Variants in SEPTIN3 observed in about 807,000 individuals in gnomAD.
The protein encoded by SEPTIN3 is septin 3.
In SEPTIN3, 15 loss-of-function variants were observed where a neutral mutation model predicts 45.1. The observed-to-expected ratio is 0.33, with a 90% CI of 0.22 to 0.51. SEPTIN3 has a LOEUF of 0.51. SEPTIN3 is among the 20% of genes least tolerant of loss of function. SEPTIN3 has a pLI of 0.97. For missense variants in SEPTIN3, 289 were observed against 457.2 expected, an observed-to-expected ratio of 0.63 and a Z score of 3.35; for synonymous variants, 148 against 164.8, an observed-to-expected ratio of 0.90 and a Z score of 0.78.
Position 41,971,720 on chromosome 22 carries a change from G to A in SEPTIN3, c.228G>A (p.Arg76=), listed in dbSNP as rs1407684059. Residue 76 remains arginine (R), a synonymous_variant, in exon 2 of 12, where the codon AGG becomes AGA. Coordinates refer to ENST00000644076, the MANE Select transcript of SEPTIN3 (RefSeq NM_001363845.2). ...QTSSRLGLGA[R]TRSVPPQETG... ...CCAGCCGGCTGGGCCTTGGAGCCAG[G>A]ACCCGGAGTGTGCCCCCACAGGAGA... 2.5e-6 allele frequency: 1 copy of A among 399,122 alleles called. No homozygotes were observed. The highest frequency in any genetic ancestry group is 2.1e-5 in the African/African-American group (1 of 48,620). 24.7% of individuals were successfully genotyped at this position (399,122 alleles called of 1,614,324 possible). A position where few individuals can be genotyped will look rare whatever the true frequency, so the allele number is the denominator to read the frequency against.
chr22:41,970,529 G>A (rs1037957638), intron 1 of SEPTIN3, among the ~76,000 whole-genome samples: 3 of 152,092 alleles, frequency 2.0e-5, no homozygotes, highest in African/African-American at 2.4e-5. Context: ...CCTACAGATC[G>A]GAATGGGTCA....
chr22:41,972,449 C>T lies in SEPTIN3; in HGVS notation c.957C>T (p.Gly319=), dbSNP rs1412430141. ...CTTCGGTAGGGACAGTCAAGTCAGG[C>T]AAAACCGTGAACTTGGCTACAGCAG... is the stretch of plus-strand genomic sequence containing the variant. ...DLSSVGTVKS[G]KTVNLATAGT... is the part of the protein sequence containing the mutation. Residue 319 remains glycine, a synonymous_variant, in exon 2 of 12, where the codon GGC becomes GGT. Transcript: ENST00000644076. The T allele has an allele frequency of 2.5e-6, 1 of 398,846 alleles. No individual in the cohort carries two copies. Among genetic ancestry groups the T allele is most frequent in the Non-Finnish European group, 4.4e-6 (1 of 226,096 alleles). The allele number at this position is 398,846 out of a possible 1,614,324, so 24.7% of individuals were successfully genotyped here.
In SEPTIN3 at chr22:41,994,729, A is replaced by C. The variant is rs750222563; in HGVS notation, c.2505+15A>C. 4.3e-6 allele frequency: 7 copies of C among 1,614,128 alleles called. No homozygotes were observed. Among genetic ancestry groups the C allele is most frequent in the Non-Finnish European group, 5.9e-6 (7 of 1,180,012 alleles). ...GCCTCCCTCCGGTGAGCGTGGACAC[A>C]GAGGAAAGCCACGACAGTAACCCAT... On this transcript the variant is annotated intron_variant, in intron 11 of 11. Coordinates refer to ENST00000644076, the MANE Select transcript of SEPTIN3 (RefSeq NM_001363845.2). The surrounding 1 kb of genome is among the most constrained non-coding windows in gnomAD (Gnocchi z 4.2).
rs1397303897 is a variant in SEPTIN3, at chr22:41,976,896, G to T, written c.1504+3900G>T. 1 of 225,062 alleles carries T rather than the reference G, an allele frequency of 4.4e-6. No individual in the cohort carries two copies. The highest frequency in any genetic ancestry group is 7.4e-6 in the Non-Finnish European group (1 of 134,578). 13.9% of individuals were successfully genotyped at this position (225,062 alleles called of 1,614,324 possible). A position where few individuals can be genotyped will look rare whatever the true frequency, so the allele number is the denominator to read the frequency against. ...CCCGGGGAGGGCGCGGCGGCGCGGG[G>T]CGCAGGGGCGGCGCGGCGGGGCCGC... On this transcript the variant is annotated intron_variant, in intron 2 of 11. Transcript: ENST00000644076. This position sits in a 1 kb window ranked among gnomAD's most constrained non-coding sequence, Gnocchi z 5.8.
chr22:41,983,449 A>G (rs1363254642), intron 3 of SEPTIN3, among the ~76,000 whole-genome samples: 3 of 152,162 alleles, frequency 2.0e-5, no homozygotes, highest in Non-Finnish European at 4.4e-5. Flanking sequence ...CCACCTTGCA[A>G]AACTTATCGA....
In SEPTIN3 at chr22:41,994,638, T is replaced by G. The variant is rs759223881; in HGVS notation, c.2429T>G (p.Leu810Arg). Reference sequence around the variant, plus strand: ...TCCTCTAGGACCCACCTCCAGGACCTCAAGGAAGTGACACACAACATCCAC... The same window carrying G: ...TCCTCTAGGACCCACCTCCAGGACCGCAAGGAAGTGACACACAACATCCAC... The part of the protein sequence containing the change: ...DFVIRTHLQD[L>R]KEVTHNIHYE... Residue 810 changes from leucine (L) to arginine (R), a missense_variant, in exon 11 of 12, where the codon CTC (leucine) becomes CGC (arginine). Physicochemically the swap from Leu to Arg is moderately radical, Grantham distance 102. Transcript: ENST00000644076. The surrounding 1 kb of genome is among the most constrained non-coding windows in gnomAD (Gnocchi z 4.2). The G allele has an allele frequency of 6.2e-7, 1 of 1,614,056 alleles. No individual in the cohort carries two copies.
rs764763181 is a variant in SEPTIN3, at chr22:41,971,713, G to T, written c.221G>T (p.Gly74Val). 8.8e-5 allele frequency: 35 copies of T among 399,082 alleles called. No individual in the cohort carries two copies. Among genetic ancestry groups the T allele is most frequent in the Middle Eastern group, 6.2e-4 (1 of 1,612 alleles). 24.7% of individuals were successfully genotyped at this position (399,082 alleles called of 1,614,324 possible). A position where few individuals can be genotyped will look rare whatever the true frequency, so the allele number is the denominator to read the frequency against. ...IPQTSSRLGL[G>V]ARTRSVPPQE... is the part of the protein sequence containing the mutation. Reference sequence around the variant, plus strand: ...CAGACCTCCAGCCGGCTGGGCCTTGGAGCCAGGACCCGGAGTGTGCCCCCA... The same window carrying T: ...CAGACCTCCAGCCGGCTGGGCCTTGTAGCCAGGACCCGGAGTGTGCCCCCA... The change falls in exon 2 of 12, where the codon GGA becomes GTA. Residue 74 changes from glycine (G) to valine (V), a missense_variant. Physicochemically the swap from Gly to Val is moderately radical, Grantham distance 109. This residue lies in a region of SEPTIN3 where 200 missense variants were observed against 315.1 expected (regional missense o/e 0.63). Transcript: ENST00000644076.
At chr22:41,987,147 A>G in intron 4 of SEPTIN3, 59 bp from the exon 5 acceptor site, 10 of 1,403,778 alleles carry the variant, frequency 7.1e-6, no homozygotes, top group Non-Finnish European at 9.8e-6. Flanking sequence ...GTAGGCTGCC[A>G]GGTACCTGGG....
chr22:41,981,810 G>A lies in SEPTIN3; in HGVS notation c.1670G>A (p.Gly557Asp). 6.2e-7 allele frequency: 1 copy of A among 1,613,902 alleles called. No homozygotes were observed. Among genetic ancestry groups the A allele is most frequent in the Non-Finnish European group, 8.5e-7 (1 of 1,179,916 alleles). Residue 557 changes from glycine to aspartate, a missense_variant, in exon 3 of 12, where the codon GGT becomes GAT. Gly to Asp is a moderately conservative substitution (Grantham distance 94, BLOSUM62 -1). Transcript: ENST00000644076. ...EQMRKKTMKT[G>D]FDFNIMVVGQ... is the part of the protein sequence containing the mutation. ...ATGCGCAAGAAGACCATGAAGACCGGTTTCGACTTCAACATCATGGTCGTT... is the reference window on the plus strand; with the variant it reads ...ATGCGCAAGAAGACCATGAAGACCGATTTCGACTTCAACATCATGGTCGTT...
chr22:41,975,111 C>G (rs1299013168), intron 2 of SEPTIN3, among the ~76,000 whole-genome samples: 1 of 152,042 alleles, frequency 6.6e-6, no homozygotes, highest in Non-Finnish European at 1.5e-5. Context: ...CCCTTTAATC[C>G]TGAAAGGTAA....
Position 41,997,659 on chromosome 22 carries a change from C to T in SEPTIN3, c.*692C>T, listed in dbSNP as rs1921011774. On this transcript the variant is annotated 3_prime_UTR_variant, in exon 12 of 12. Transcript: ENST00000644076. ...AACAAACAAACAAAAACTAAACACA[C>T]ACACAAACCCCCAGAAACCCACAAT... 1 of 152,482 alleles carries T rather than the reference C, an allele frequency of 6.6e-6. No individual in the cohort carries two copies. Among genetic ancestry groups the T allele is most frequent in the Non-Finnish European group, 1.5e-5 (1 of 68,074 alleles). 9.4% of individuals were successfully genotyped at this position (152,482 alleles called of 1,614,324 possible). A position where few individuals can be genotyped will look rare whatever the true frequency, so the allele number is the denominator to read the frequency against.
At position 41,994,922 on chromosome 22, in the gene SEPTIN3, T is replaced by TGA. The variant is rs1556270811; in HGVS notation, c.2505+209_2505+210dup. ...GTGTGTGTGTGTGTGTGTGTGTGTG[T>TGA]GACAGAGAGAGAGCGAGAGAGCCTG... On this transcript the variant is annotated intron_variant, in intron 11 of 11. Coordinates refer to ENST00000644076, the MANE Select transcript of SEPTIN3 (RefSeq NM_001363845.2). This position sits in a 1 kb window ranked among gnomAD's most constrained non-coding sequence, Gnocchi z 4.2. 4 of 1,297,164 alleles carry TGA rather than the reference T, an allele frequency of 3.1e-6. No homozygotes were observed. The highest frequency in any genetic ancestry group is 2.6e-5 in the East Asian group (1 of 37,864). 80.4% of individuals were successfully genotyped at this position (1,297,164 alleles called of 1,614,324 possible).
chr22:41,985,970 C>T lies in SEPTIN3; in HGVS notation c.1697-14C>T. 1 of 1,597,926 alleles carries T rather than the reference C, an allele frequency of 6.3e-7. No homozygotes were observed. Among genetic ancestry groups the T allele is most frequent in the Non-Finnish European group, 8.5e-7 (1 of 1,171,976 alleles). ...TGCAGAGTCTCCCTACCTCCTCCTC[C>T]TGCTTTGCTGTAGGCCAGAGTGGAC... On this transcript the variant is annotated splice_polypyrimidine_tract_variant and intron_variant, in intron 3 of 11. Transcript: ENST00000644076.
At chr22:41,996,841 TTA>T in intron 11 of SEPTIN3, 59 bp from the exon 12 acceptor site, 1 of 1,608,000 alleles carries the variant, frequency 6.2e-7, no homozygotes, top group Non-Finnish European at 8.5e-7. Context: ...AGAAGGTATT[TTA>T]TATGTCTGCT....
Position 41,994,684 on chromosome 22 carries a change from G to A in SEPTIN3, c.2475G>A (p.Lys825=), listed in dbSNP as rs2078394008. The change falls in exon 11 of 12, where the codon AAG becomes AAA. Residue 825 remains lysine, a synonymous_variant. Transcript: ENST00000644076. The surrounding 1 kb of genome is among the most constrained non-coding windows in gnomAD (Gnocchi z 4.2). ...HNIHYETYRA[K]RLNDNGGLPP... ...TCCACTATGAGACTTACAGGGCCAA[G>A]CGGCTCAATGACAATGGAGGCCTCC... 1 of 1,614,198 alleles carries A rather than the reference G, an allele frequency of 6.2e-7. No individual in the cohort carries two copies.
At position 41,971,762 on chromosome 22, in the gene SEPTIN3, G is replaced by A. The variant is rs1602407924; in HGVS notation, c.270G>A (p.Gly90=). The A allele has an allele frequency of 1.3e-4, 51 of 399,134 alleles. No individual in the cohort carries two copies. In the East Asian group the frequency reaches 1.8e-3, roughly 14 times the overall value. The allele number at this position is 399,134 out of a possible 1,614,324, so 24.7% of individuals were successfully genotyped here. ...CACAGGAGACGGGCATCGCTCTGGGGGCTTCCTTGAGCCCCCTGCCCACCA... is the reference window on the plus strand; with the variant it reads ...CACAGGAGACGGGCATCGCTCTGGGAGCTTCCTTGAGCCCCCTGCCCACCA... ...VPPQETGIAL[G]ASLSPLPTSS... The change falls in exon 2 of 12, where the codon GGG becomes GGA. Residue 90 remains glycine, a synonymous_variant. Coordinates refer to ENST00000644076, the MANE Select transcript of SEPTIN3 (RefSeq NM_001363845.2).
chr22:41,993,328 AT>A (rs113676576), intron 9 of SEPTIN3, among the ~76,000 whole-genome samples: 238 of 145,340 alleles, frequency 1.6e-3, no homozygotes, highest in Admixed American at 3.8e-3. Flanking sequence ...TCAGACTCAG[AT>A]TTTTTTTTTT....
At chr22:41,988,853 C>T (rs992171817) in intron 6 of SEPTIN3, among the ~76,000 whole-genome samples, 5 of 152,084 alleles carry the variant, frequency 3.3e-5, no homozygotes, top group South Asian at 2.1e-4. Context: ...ACACTAGGCA[C>T]GGTGGCTCTC....
At position 41,997,063 on chromosome 22, in the gene SEPTIN3, C is replaced by T; in HGVS notation, c.*96C>T. 1.9e-6 allele frequency: 3 copies of T among 1,593,012 alleles called. No homozygotes were observed. Among genetic ancestry groups the T allele is most frequent in the Non-Finnish European group, 2.6e-6 (3 of 1,170,136 alleles). ...AGTGCTGTGCTCGTCCAGCTCACCA[C>T]CACAGCCCCTCTCAGCCCTCAGTAG... On this transcript the variant is annotated 3_prime_UTR_variant, in exon 12 of 12. Transcript: ENST00000644076.
Sources: gnomAD v4.1 joint callset for allele counts (sites outside exome capture counted in the v4.1 genomes callset) on GRCh38, gnomAD v4.1.1 for gene constraint, gnomAD v4.1.1 regional missense constraint, Gnocchi (gnomAD v3.1) non-coding constraint, MANE v1.5 for transcripts, NCBI Gene and HGNC (gene_info 2026-07-23, HGNC 2026-07-21) for gene names.